Variants in WASHC5 observed in about 807,000 individuals in gnomAD.
The protein encoded by WASHC5 is WASH complex subunit 5, also known as WASH complex subunit strumpellin.
A neutral mutation model predicts 150.4 loss-of-function variants in WASHC5; 101 were observed. The observed-to-expected ratio is 0.67, with a 90% CI of 0.57 to 0.79. The LOEUF is 0.79. WASHC5 is among the 30% of genes least tolerant of loss of function. The pLI, the probability that WASHC5 is intolerant of heterozygous loss-of-function variation, is 0.00. For missense variants in WASHC5, 1,195 were observed against 1,396.3 expected, an observed-to-expected ratio of 0.86 and a Z score of 2.30; for synonymous variants, 467 against 491.2, an observed-to-expected ratio of 0.95 and a Z score of 0.65.
chr8:125,045,887 T>C (rs1406265000), intron 20 of WASHC5, among the ~76,000 whole-genome samples: 1 of 152,140 alleles, frequency 6.6e-6, no homozygotes, highest in Non-Finnish European at 1.5e-5. Context: ...GGGCACTGGG[T>C]GGATAGTTTT....
At position 125,059,365 on chromosome 8, in the gene WASHC5, GC is replaced by G. The variant is rs757113799; in HGVS notation, c.1688+10del. 2.0e-4 allele frequency: 322 copies of G among 1,613,986 alleles called. No homozygotes were observed. Among genetic ancestry groups the G allele is most frequent in the Middle Eastern group, 1.5e-3 (9 of 6,060 alleles). On this transcript the variant is annotated intron_variant, in intron 13 of 28. Transcript: ENST00000318410. ...TTTCATCTACAGCAAATGTCAGGCTGCCTACATTACCTGTCAATCAACTGCC... is the reference window on the plus strand; with the variant it reads ...TTTCATCTACAGCAAATGTCAGGCTGCTACATTACCTGTCAATCAACTGCC...
intron 1 of WASHC5, among the ~76,000 whole-genome samples, chr8:125,090,648 A>C (rs1484233289): frequency 2.0e-5 from 3 of 152,238 alleles, no homozygotes; most frequent in African/African-American, 2.4e-5. Context: ...TTCAAGAATA[A>C]GGCATGACAT....
chr8:125,083,075 T>C (rs1817318689), intron 3 of WASHC5, 38 bp downstream of exon 3: 3 of 1,326,042 alleles, frequency 2.3e-6, no homozygotes, highest in South Asian at 2.4e-5. Flanking sequence ...TCTCCACTAT[T>C]TACTACCAGA....
intron 26 of WASHC5, among the ~76,000 whole-genome samples, chr8:125,034,097 GAGA>G (rs1303279645): frequency 3.3e-5 from 5 of 152,248 alleles, no homozygotes; most frequent in Admixed American, 2.0e-4. Flanking sequence ...GCACTTCGCA[GAGA>G]AGGATATAAG....
At chr8:125,059,969 A>C (rs995534314) in intron 12 of WASHC5, among the ~76,000 whole-genome samples, 1 of 152,258 alleles carries the variant, frequency 6.6e-6, no homozygotes, top group Non-Finnish European at 1.5e-5. Context: ...CCAAACAAGC[A>C]AAGTAGAAAT....
intron 21 of WASHC5, 66 bp downstream of exon 21, chr8:125,044,470 A>G: frequency 1.3e-6 from 2 of 1,566,728 alleles, no homozygotes; most frequent in East Asian, 4.5e-5. Context: ...CAAACTGCCC[A>G]CTAAAATATG....
chr8:125,067,774 A>C, intron 9 of WASHC5, 55 bp from the exon 10 acceptor site: 1 of 1,553,420 alleles, frequency 6.4e-7, no homozygotes, highest in East Asian at 2.3e-5. Flanking sequence ...ATATCTATGA[A>C]ATAAGATAAA....
chr8:125,050,919 A>G (rs754644821), intron 17 of WASHC5, among the ~76,000 whole-genome samples: 3 of 152,234 alleles, frequency 2.0e-5, no homozygotes, highest in Non-Finnish European at 4.4e-5. Flanking sequence ...CATTTCAAAG[A>G]CGGTGAATAA....
intron 9 of WASHC5, among the ~76,000 whole-genome samples, chr8:125,072,934 C>T (rs529708996): frequency 1.1e-4 from 17 of 152,264 alleles, no homozygotes; most frequent in African/African-American, 4.1e-4. Flanking sequence ...GATAAACATC[C>T]TCTTATTCCC....
chr8:125,046,374 T>C (rs1423344331), intron 20 of WASHC5, among the ~76,000 whole-genome samples: 1 of 152,194 alleles, frequency 6.6e-6, no homozygotes, highest in Non-Finnish European at 1.5e-5. Flanking sequence ...ACCTAAAATA[T>C]TCTCAGGAGC....
At chr8:125,070,735 C>T (rs16900350) in intron 9 of WASHC5, among the ~76,000 whole-genome samples, 3,997 of 152,268 alleles carry the variant, frequency 0.026, 182 homozygotes, top group African/African-American at 0.092. Flanking sequence ...CTTCAGCCAT[C>T]GTGTTCATAC....
In WASHC5 at chr8:125,083,990, T is replaced by C. The variant is rs1586390991; in HGVS notation, c.-92A>G. 8.0e-7 allele frequency: 1 copy of C among 1,246,522 alleles called. No homozygotes were observed. Among genetic ancestry groups the C allele is most frequent in the Non-Finnish European group, 1.2e-6 (1 of 868,562 alleles). The allele number at this position is 1,246,522 out of a possible 1,614,324, so 77.2% of individuals were successfully genotyped here. A position where few individuals can be genotyped will look rare whatever the true frequency, so the allele number is the denominator to read the frequency against. On this transcript the variant is annotated 5_prime_UTR_variant, in exon 2 of 29. Transcript: ENST00000318410. Reference sequence around the variant, plus strand: ...CTGTATATTATTAGATGAAACCAGGTGTGCAGAGAGATTGGCTCCTCCATT... The same window carrying C: ...CTGTATATTATTAGATGAAACCAGGCGTGCAGAGAGATTGGCTCCTCCATT...
chr8:125,052,135 G>A (rs1816257060), intron 17 of WASHC5, among the ~76,000 whole-genome samples: 1 of 152,110 alleles, frequency 6.6e-6, no homozygotes, highest in Non-Finnish European at 1.5e-5. Flanking sequence ...TTAGTTTTCA[G>A]CATCTGTGCT....
At position 125,074,978 on chromosome 8, in the gene WASHC5, G is replaced by A. The variant is rs749121438; in HGVS notation, c.978+20C>T. ...ACTAGGCCTGCAGTTATCAGAGAATGTCCCCAGATTAGAACCTACCTGTTC... is the reference window on the plus strand; with the variant it reads ...ACTAGGCCTGCAGTTATCAGAGAATATCCCCAGATTAGAACCTACCTGTTC... On this transcript the variant is annotated intron_variant, in intron 8 of 28. Coordinates refer to ENST00000318410, the MANE Select transcript of WASHC5 (RefSeq NM_014846.4). The A allele has an allele frequency of 2.9e-5, 40 of 1,388,104 alleles. No homozygotes were observed. Among genetic ancestry groups the A allele is most frequent in the Admixed American group, 8.4e-5 (5 of 59,682 alleles). The allele number at this position is 1,388,104 out of a possible 1,614,324, so 86.0% of individuals were successfully genotyped here.
chr8:125,043,442 G>C (rs1350047895), intron 23 of WASHC5, among the ~76,000 whole-genome samples: 1 of 152,214 alleles, frequency 6.6e-6, no homozygotes, highest in Admixed American at 6.5e-5. Flanking sequence ...AGAGGGCAGA[G>C]AGACAATGTT....
chr8:125,059,597 C>A (rs747193209), intron 12 of WASHC5, 55 bp from the exon 13 acceptor site: 9 of 1,363,310 alleles, frequency 6.6e-6, no homozygotes, highest in Non-Finnish European at 9.4e-6. Flanking sequence ...CTATGGTGCT[C>A]ATTTGTTCTT....
chr8:125,051,109 G>A (rs1816225741), intron 17 of WASHC5, among the ~76,000 whole-genome samples: 1 of 152,072 alleles, frequency 6.6e-6, no homozygotes, highest in African/African-American at 2.4e-5. Context: ...ATATCCACAT[G>A]AGCAAACTCA....
chr8:125,024,328 C>T lies in WASHC5; in HGVS notation c.*289G>A. ...ACAAATAGTTCTTTAGAACATAAAACTAAATGGATTTATACATAACAGTTA... is the reference window on the plus strand; with the variant it reads ...ACAAATAGTTCTTTAGAACATAAAATTAAATGGATTTATACATAACAGTTA... On this transcript the variant is annotated 3_prime_UTR_variant, in exon 29 of 29. Coordinates refer to ENST00000318410, the MANE Select transcript of WASHC5 (RefSeq NM_014846.4). The T allele has an allele frequency of 2.3e-6, 1 of 444,106 alleles. No homozygotes were observed. The highest frequency in any genetic ancestry group is 4.1e-6 in the Non-Finnish European group (1 of 243,286). 27.5% of individuals were successfully genotyped at this position (444,106 alleles called of 1,614,324 possible). A position where few individuals can be genotyped will look rare whatever the true frequency, so the allele number is the denominator to read the frequency against.
At chr8:125,038,169 A>G (rs1586339519) in intron 25 of WASHC5, among the ~76,000 whole-genome samples, 1 of 152,250 alleles carries the variant, frequency 6.6e-6, no homozygotes, top group Admixed American at 6.5e-5. Context: ...TCTTTTATCC[A>G]AAACACAAGG....
Sources: allele counts gnomAD v4.1 joint callset (sites outside exome capture counted in the v4.1 genomes callset), GRCh38; gene constraint gnomAD v4.1.1; transcripts MANE v1.5; gene names NCBI Gene and HGNC (gene_info 2026-07-23, HGNC 2026-07-21).